Variants in ATP5PB observed in about 807,000 individuals in gnomAD.
ATP5PB encodes the protein ATP synthase peripheral stalk subunit b, mitochondrial.
In ATP5PB, 21 loss-of-function variants were observed where a neutral mutation model predicts 34.5. The ratio of observed to expected loss-of-function variants is 0.61; its 90% CI spans 0.43 to 0.88. The LOEUF (loss-of-function observed/expected upper bound fraction) is 0.88, where lower values mean the gene tolerates loss of function less well. Ranked by LOEUF, ATP5PB falls within the 40% of genes least tolerant of loss-of-function variation. The pLI is 0.00. For synonymous variants in ATP5PB, 108 were observed against 114.1 expected (o/e 0.95, Z 0.34); for missense variants, 293 against 317.4 (o/e 0.92, Z 0.58).
chr1:111,454,217 G>A lies in ATP5PB; in HGVS notation c.84G>A (p.Leu28=). The A allele has an allele frequency of 6.3e-7, 1 of 1,589,014 alleles. No homozygotes were observed. The highest frequency in any genetic ancestry group is 8.5e-7 in the Non-Finnish European group (1 of 1,171,784). The change falls in exon 3 of 7, where the codon TTG becomes TTA. Residue 28 remains leucine (L), a synonymous_variant. Coordinates refer to ENST00000369722, the MANE Select transcript of ATP5PB (RefSeq NM_001688.5). ...KNAAFLGPGV[L]QATRTFHTGQ... ...GTACAATTACTACCTGTAGGGTATT[G>A]CAGGCAACAAGGACCTTTCATACAG...
chr1:111,449,674 G>A (rs942675078), intron 1 of ATP5PB, 93 bp downstream of exon 1: 60 of 1,539,650 alleles, frequency 3.9e-5, no homozygotes, highest in Non-Finnish European at 4.9e-5. Context: ...GCAGCGACAC[G>A]GGCCTGAGAG....
chr1:111,454,117 A>G (rs1345239513), intron 2 of ATP5PB, 94 bp from the exon 3 acceptor site: 20 of 1,323,878 alleles, frequency 1.5e-5, no homozygotes, highest in Non-Finnish European at 5.0e-6. Flanking sequence ...AACTGCCTCA[A>G]TTATCAACCC....
intron 2 of ATP5PB, 102 bp from the exon 3 acceptor site, chr1:111,454,108 AC>A: frequency 8.0e-7 from 1 of 1,248,870 alleles, no homozygotes; most frequent in South Asian, 2.2e-5. Context: ...GAGTTAGAAA[AC>A]TGCCTCAATT....
rs760721320 is a variant in ATP5PB, at chr1:111,456,646, T to C, written c.404T>C (p.Leu135Pro). 1.2e-6 allele frequency: 2 copies of C among 1,612,804 alleles called. No individual in the cohort carries two copies. Among genetic ancestry groups the C allele is most frequent in the Non-Finnish European group, 1.7e-6 (2 of 1,179,604 alleles). Residue 135 changes from leucine (L) to proline (P), a missense_variant, in exon 5 of 7, where the codon CTA becomes CCA. Transcript: ENST00000369722. ...DKLNEQKLAQ[L>P]EEAKQASIQH... is the part of the protein sequence containing the mutation. ...CAATTGTAGCAAAAACTTGCCCAACTAGAAGAGGCGAAGCAGGCTTCCATC... is the reference window on the plus strand; with the variant it reads ...CAATTGTAGCAAAAACTTGCCCAACCAGAAGAGGCGAAGCAGGCTTCCATC...
At position 111,449,491 on chromosome 1, in the gene ATP5PB, C is replaced by T. The variant is rs757147686; in HGVS notation, c.-51C>T. The T allele has an allele frequency of 3.7e-6, 6 of 1,614,080 alleles. No individual in the cohort carries two copies. The African/African-American group carries it at 4.0e-5, about 11-fold the overall frequency. On this transcript the variant is annotated 5_prime_UTR_variant, in exon 1 of 7. Coordinates refer to ENST00000369722, the MANE Select transcript of ATP5PB (RefSeq NM_001688.5). The stretch of plus-strand genomic sequence containing the variant: ...TCTTGGTCCTGCCCTGACAGATTCT[C>T]CTATCGGGGTCACAGGGACGCTAAG...
In ATP5PB at chr1:111,456,680, C is replaced by G; in HGVS notation, c.438C>G (p.Ile146Met). 1.2e-6 allele frequency: 2 copies of G among 1,613,722 alleles called. No homozygotes were observed. The highest frequency in any genetic ancestry group is 2.2e-5 in the South Asian group (2 of 91,006). Residue 146 changes from isoleucine to methionine, a missense_variant, in exon 5 of 7, where the codon ATC becomes ATG. By Grantham distance (10) the Ile-to-Met change is conservative. Coordinates refer to ENST00000369722, the MANE Select transcript of ATP5PB (RefSeq NM_001688.5). ...EEAKQASIQH[I>M]QNAIDTEKSQ... ...CGAAGCAGGCTTCCATCCAACACAT[C>G]CAGAATGCAATTGATACGGAGAAGT...
chr1:111,449,825 G>T lies in ATP5PB; in HGVS notation c.41-12G>T. On this transcript the variant is annotated splice_polypyrimidine_tract_variant and intron_variant, in intron 1 of 6. Coordinates refer to ENST00000369722, the MANE Select transcript of ATP5PB (RefSeq NM_001688.5). ...ATTTGACTTTGCTGACCTTCGCCTTGTCTATCTGCAGCCCCCTCTCTGAAG... is the reference window on the plus strand; with the variant it reads ...ATTTGACTTTGCTGACCTTCGCCTTTTCTATCTGCAGCCCCCTCTCTGAAG... The T allele has an allele frequency of 5.0e-6, 8 of 1,614,182 alleles. No individual in the cohort carries two copies. Among genetic ancestry groups the T allele is most frequent in the Non-Finnish European group, 5.9e-6 (7 of 1,180,034 alleles).
chr1:111,454,219 A>G lies in ATP5PB; in HGVS notation c.86A>G (p.Gln29Arg). ...NAAFLGPGVL[Q>R]ATRTFHTGQP... ...ACAATTACTACCTGTAGGGTATTGC[A>G]GGCAACAAGGACCTTTCATACAGGG... Residue 29 changes from glutamine to arginine, a missense_variant, in exon 3 of 7, where the codon CAG (glutamine) becomes CGG (arginine). Coordinates refer to ENST00000369722, the MANE Select transcript of ATP5PB (RefSeq NM_001688.5). 1.3e-6 allele frequency: 2 copies of G among 1,589,348 alleles called. No homozygotes were observed. Among genetic ancestry groups the G allele is most frequent in the Admixed American group, 1.9e-5 (1 of 53,306 alleles).
At chr1:111,450,580 A>T (rs1653294995) in intron 2 of ATP5PB, among the ~76,000 whole-genome samples, 1 of 152,244 alleles carries the variant, frequency 6.6e-6, no homozygotes, top group South Asian at 2.1e-4. Flanking sequence ...TGTGAAACTC[A>T]AAAACAGTTC....
intron 2 of ATP5PB, among the ~76,000 whole-genome samples, chr1:111,451,012 C>T (rs943034272): frequency 1.7e-4 from 26 of 152,196 alleles, no homozygotes; most frequent in Admixed American, 4.6e-4. Flanking sequence ...GTAGGAACCA[C>T]TATAAACTTT....
rs936594405 is a variant in ATP5PB, at chr1:111,449,985, G to A, written c.77+112G>A. 13 of 1,412,522 alleles carry A rather than the reference G, an allele frequency of 9.2e-6. No individual in the cohort carries two copies. In the African/African-American group the frequency reaches 1.8e-4, roughly 20 times the overall value. 87.5% of individuals were successfully genotyped at this position (1,412,522 alleles called of 1,614,324 possible). A position where few individuals can be genotyped will look rare whatever the true frequency, so the allele number is the denominator to read the frequency against. On this transcript the variant is annotated intron_variant, in intron 2 of 6. Coordinates refer to ENST00000369722, the MANE Select transcript of ATP5PB (RefSeq NM_001688.5). ...TCAGAAATTTCTTTCCGATAATTTTGGGACACTTAAACCCTCTTTCAGACA... is the reference window on the plus strand; with the variant it reads ...TCAGAAATTTCTTTCCGATAATTTTAGGACACTTAAACCCTCTTTCAGACA...
At chr1:111,452,406 A>C (rs1424053205) in intron 2 of ATP5PB, among the ~76,000 whole-genome samples, 3 of 152,110 alleles carry the variant, frequency 2.0e-5, no homozygotes, top group Non-Finnish European at 4.4e-5. Context: ...TAAAAATAAA[A>C]AAAAAAAATA....
At position 111,456,718 on chromosome 1, in the gene ATP5PB, T is replaced by G. The variant is rs570082983; in HGVS notation, c.476T>G (p.Leu159Arg). ...GATACGGAGAAGTCACAACAGGCAC[T>G]GGTTCAGAAGCGCCATTACCTTTTT... ...AIDTEKSQQALVQKRHYLFDV... is the reference protein window; with the variant it reads ...AIDTEKSQQARVQKRHYLFDV... The change falls in exon 5 of 7, where the codon CTG (leucine) becomes CGG (arginine). Residue 159 changes from leucine (L) to arginine (R), a missense_variant. Coordinates refer to ENST00000369722, the MANE Select transcript of ATP5PB (RefSeq NM_001688.5). 1 of 1,613,264 alleles carries G rather than the reference T, an allele frequency of 6.2e-7. No individual in the cohort carries two copies. Among genetic ancestry groups the G allele is most frequent in the African/African-American group, 1.3e-5 (1 of 74,998 alleles).
Position 111,449,921 on chromosome 1 carries a change from T to C in ATP5PB, c.77+48T>C, listed in dbSNP as rs538113301. 38 of 1,611,654 alleles carry C rather than the reference T, an allele frequency of 2.4e-5. No individual in the cohort carries two copies. In the Admixed American group the frequency reaches 6.0e-4, roughly 25 times the overall value. On this transcript the variant is annotated intron_variant, in intron 2 of 6. Transcript: ENST00000369722. Reference sequence around the variant, plus strand: ...CTTTCGTCTTTGTTTTCACTACCTTTTATTTCCCGATTCCTGCCCCCACCC... The same window carrying C: ...CTTTCGTCTTTGTTTTCACTACCTTCTATTTCCCGATTCCTGCCCCCACCC...
rs1384882373 is a variant in ATP5PB, at chr1:111,449,931, AT to A, written c.77+60del. 3 of 1,606,050 alleles carry A rather than the reference AT, an allele frequency of 1.9e-6. No individual in the cohort carries two copies. In the Admixed American group the frequency reaches 5.0e-5, roughly 27 times the overall value. Reference sequence around the variant, plus strand: ...TGTTTTCACTACCTTTTATTTCCCGATTCCTGCCCCCACCCCCTTAGCTTTA... The same window carrying A: ...TGTTTTCACTACCTTTTATTTCCCGATCCTGCCCCCACCCCCTTAGCTTTA... On this transcript the variant is annotated intron_variant, in intron 2 of 6. Coordinates refer to ENST00000369722, the MANE Select transcript of ATP5PB (RefSeq NM_001688.5).
At chr1:111,460,037 C>T (rs755111953) in intron 6 of ATP5PB, among the ~76,000 whole-genome samples, 9 of 152,040 alleles carry the variant, frequency 5.9e-5, no homozygotes, top group African/African-American at 1.2e-4. Context: ...CGGTGACAAA[C>T]GCCTGTAGTT....
Position 111,460,978 on chromosome 1 carries a change from C to T in ATP5PB, c.755C>T (p.Ala252Val). ...AAGCTGCTGGCAAAGAAGGCTCAAG[C>T]ACAGCCAGTTATGTAAATGTATCTA... ...DLKLLAKKAQ[A>V]QPVM The change falls in exon 7 of 7, where the codon GCA (alanine) becomes GTA (valine). Residue 252 changes from alanine (A) to valine (V), a missense_variant. Physicochemically the swap from Ala to Val is moderately conservative, Grantham distance 64. Transcript: ENST00000369722. 1 of 1,612,494 alleles carries T rather than the reference C, an allele frequency of 6.2e-7. No individual in the cohort carries two copies. The highest frequency in any genetic ancestry group is 1.1e-5 in the South Asian group (1 of 91,004).
intron 5 of ATP5PB, among the ~76,000 whole-genome samples, chr1:111,457,143 G>A (rs1653495240): frequency 6.6e-6 from 1 of 152,098 alleles, no homozygotes; most frequent in African/African-American, 2.4e-5. Context: ...ATCTGATACT[G>A]TACATTCTAA....
chr1:111,454,019 G>C (rs895869918), intron 2 of ATP5PB, among the ~76,000 whole-genome samples, 192 bp from the exon 3 acceptor site: 2 of 152,216 alleles, frequency 1.3e-5, no homozygotes, highest in African/African-American at 4.8e-5. Flanking sequence ...AAATGTCTGT[G>C]ATTAATTCTT....
Sources: gnomAD v4.1 joint callset for allele counts (sites outside exome capture counted in the v4.1 genomes callset) on GRCh38, gnomAD v4.1.1 for gene constraint, MANE v1.5 for transcripts, NCBI Gene and HGNC (gene_info 2026-07-23, HGNC 2026-07-21) for gene names.